The following TMEM178B variants were observed in gnomAD, a reference collection of about 807,000 sequenced individuals.
The protein encoded by TMEM178B is transmembrane protein 178B.
In TMEM178B, 5 loss-of-function variants were observed where a neutral mutation model predicts 31.0. The observed-to-expected ratio is 0.16, with a 90% CI of 0.08 to 0.34. The LOEUF (loss-of-function observed/expected upper bound fraction) is 0.34, where lower values mean the gene tolerates loss of function less well. TMEM178B is among the 10% of genes least tolerant of loss of function. The pLI is 1.00. For synonymous variants in TMEM178B, 164 were observed against 164.0 expected, an observed-to-expected ratio of 1.00 and a Z score of 0.00; for missense variants, 275 against 400.3, an observed-to-expected ratio of 0.69 and a Z score of 2.67.
At chr7:141,497,450 C>T in the TMEM178B span, among the ~76,000 whole-genome samples, 2 of 152,170 alleles carry the variant, frequency 1.3e-5, no homozygotes, top group African/African-American at 2.4e-5. Context: ...TTTGTTACCC[C>T]CTTTGGGCTC....
intron 2 of TMEM178B, among the ~76,000 whole-genome samples, chr7:141,235,624 C>T (rs1183607202): frequency 6.6e-6 from 1 of 152,126 alleles, no homozygotes; most frequent in African/African-American, 2.4e-5. Context: ...TATCCATGGG[C>T]TAGTCAAGGA....
intron 1 of TMEM178B, among the ~76,000 whole-genome samples, chr7:141,145,725 C>T (rs1251832653): frequency 2.6e-5 from 4 of 152,134 alleles, no homozygotes; most frequent in African/African-American, 9.7e-5. Context: ...AGTTTTAGGC[C>T]CCCTTAATGC....
intron 3 of TMEM178B, among the ~76,000 whole-genome samples, chr7:141,443,173 T>G (rs1483520348): frequency 6.6e-6 from 1 of 152,224 alleles, no homozygotes; most frequent in Non-Finnish European, 1.5e-5. Flanking sequence ...ATTGAGCAGA[T>G]TGTAGACTTC....
chr7:141,354,463 T>C (rs1170765511), intron 2 of TMEM178B, among the ~76,000 whole-genome samples: 1 of 152,144 alleles, frequency 6.6e-6, no homozygotes, highest in Non-Finnish European at 1.5e-5. Flanking sequence ...TCTGACAAAA[T>C]AATGAAGCAG....
At chr7:141,307,904 C>T (rs977068785) in intron 2 of TMEM178B, among the ~76,000 whole-genome samples, 1 of 152,074 alleles carries the variant, frequency 6.6e-6, no homozygotes, top group African/African-American at 2.4e-5. Context: ...AATATGGAAC[C>T]AACATTTAGT....
the TMEM178B span, among the ~76,000 whole-genome samples, chr7:141,498,484 A>C: frequency 6.6e-6 from 1 of 152,236 alleles, no homozygotes; most frequent in African/African-American, 2.4e-5. Context: ...TACCATGGGA[A>C]TCATTCATGG....
chr7:141,437,375 C>A (rs1563182448), intron 2 of TMEM178B, among the ~76,000 whole-genome samples: 1 of 152,252 alleles, frequency 6.6e-6, no homozygotes, highest in African/African-American at 2.4e-5. Flanking sequence ...TTGTGATGAT[C>A]TGTCCCTGTG....
intron 2 of TMEM178B, among the ~76,000 whole-genome samples, chr7:141,307,769 A>G (rs1056664242): frequency 1.3e-5 from 2 of 152,140 alleles, no homozygotes; most frequent in Non-Finnish European, 2.9e-5. Flanking sequence ...GTACATGTTG[A>G]TGGTAGGGGA....
intron 2 of TMEM178B, among the ~76,000 whole-genome samples, chr7:141,247,126 T>C (rs1429143747): frequency 6.6e-6 from 1 of 152,038 alleles, no homozygotes; most frequent in Admixed American, 6.6e-5. Context: ...TCTTTCTATG[T>C]ATATATAGAG....
chr7:141,254,969 T>C (rs1797902409), intron 2 of TMEM178B, among the ~76,000 whole-genome samples: 1 of 152,184 alleles, frequency 6.6e-6, no homozygotes, highest in Non-Finnish European at 1.5e-5. Flanking sequence ...CTTATCTCCC[T>C]TGAGTGTTTC....
chr7:141,440,237 G>T (rs1400653888), intron 3 of TMEM178B, among the ~76,000 whole-genome samples: 3 of 152,234 alleles, frequency 2.0e-5, no homozygotes, highest in African/African-American at 7.2e-5. Context: ...GGCTCAATTA[G>T]GAGTCAGAGG....
chr7:141,325,262 C>A (rs762453688), intron 2 of TMEM178B, among the ~76,000 whole-genome samples: 6 of 152,146 alleles, frequency 3.9e-5, no homozygotes, highest in Admixed American at 6.5e-5. Flanking sequence ...CAGATGCAGG[C>A]AAAATGCCTG....
chr7:141,465,895 C>T (rs2116724481), intron 3 of TMEM178B, among the ~76,000 whole-genome samples: 1 of 152,174 alleles, frequency 6.6e-6, no homozygotes, highest in South Asian at 2.1e-4. Flanking sequence ...TGGTGGCATG[C>T]ACCTGTAGTC....
chr7:141,326,054 C>T (rs17162120), intron 2 of TMEM178B, among the ~76,000 whole-genome samples: 20,609 of 152,142 alleles, frequency 0.14, 1,857 homozygotes, highest in African/African-American at 0.25. Context: ...TTGTGAATAA[C>T]CCTATTTTTA....
intron 1 of TMEM178B, among the ~76,000 whole-genome samples, chr7:141,093,713 G>C (rs528321126): frequency 3.3e-4 from 50 of 152,338 alleles, no homozygotes; most frequent in African/African-American, 1.1e-3. Flanking sequence ...AGTGAGTTAA[G>C]AGAACATTCG....
chr7:141,377,032 A>G (rs933859198), intron 2 of TMEM178B, among the ~76,000 whole-genome samples: 2 of 152,172 alleles, frequency 1.3e-5, no homozygotes, highest in Non-Finnish European at 2.9e-5. Flanking sequence ...AAAGAGCCAA[A>G]AAGAAAATAT....
intron 1 of TMEM178B, among the ~76,000 whole-genome samples, chr7:141,089,993 G>A (rs1046094262): frequency 1.6e-4 from 25 of 151,754 alleles, no homozygotes; most frequent in African/African-American, 5.8e-4. Context: ...ATGTACCCTA[G>A]AACTTAAAGT....
intron 2 of TMEM178B, among the ~76,000 whole-genome samples, chr7:141,315,259 C>T (rs1798980720): frequency 6.6e-6 from 1 of 152,184 alleles, no homozygotes; most frequent in East Asian, 1.9e-4. Context: ...TCTGAAATCC[C>T]CTCATGCCTC....
chr7:141,421,003 C>G (rs1801199076), intron 2 of TMEM178B, among the ~76,000 whole-genome samples: 1 of 152,194 alleles, frequency 6.6e-6, no homozygotes, highest in African/African-American at 2.4e-5. Flanking sequence ...TAACCTGCTT[C>G]TATAAAGTAA....
Sources: gnomAD v4.1 joint callset for allele counts (sites outside exome capture counted in the v4.1 genomes callset) on GRCh38, gnomAD v4.1.1 for gene constraint, MANE v1.5 for transcripts, NCBI Gene and HGNC (gene_info 2026-07-23, HGNC 2026-07-21) for gene names.